Variants in P2RY8 observed in about 807,000 individuals in gnomAD.
The protein encoded by P2RY8 is S-geranylgeranyl-glutathione receptor P2RY8.
P2RY8 carries 6 observed loss-of-function variants against 10.0 expected under a neutral mutation model. The ratio of observed to expected loss-of-function variants is 0.60; its 90% CI spans 0.33 to 1.19. P2RY8 has a LOEUF of 1.19. Among genes scored for constraint, P2RY8 ranks in the 50% most tolerant of loss-of-function variants. The pLI, the probability that P2RY8 is intolerant of heterozygous loss-of-function variation, is 0.04. For synonymous variants in P2RY8, 276 were observed against 252.5 expected, an observed-to-expected ratio of 1.09 and a Z score of -0.88; for missense variants, 456 against 542.0, an observed-to-expected ratio of 0.84 and a Z score of 1.58.
chrX:1,484,601 G>T (rs1412023370), intron 1 of P2RY8, among the ~76,000 whole-genome samples: 2 of 151,506 alleles, frequency 1.3e-5, no homozygotes, highest in African/African-American at 2.4e-5. Flanking sequence ...CATGGCAGGT[G>T]CCTGTCATTC....
In P2RY8 at chrX:1,466,601, A is replaced by G; in HGVS notation, c.-24-19T>C. The G allele has an allele frequency of 1.3e-6, 2 of 1,571,392 alleles. No individual in the cohort carries two copies. The highest frequency in any genetic ancestry group is 1.7e-6 in the Non-Finnish European group (2 of 1,163,418). ...CCGGGCTCTGCAAGGGAAGGAGGGA[A>G]GGGTGTACGGGTCAGGGGCGCAGGT... On this transcript the variant is annotated intron_variant, in intron 1 of 1. Coordinates refer to ENST00000381297, the MANE Select transcript of P2RY8 (RefSeq NM_178129.5).
chrX:1,534,209 T>C (rs1456128346), intron 1 of P2RY8, among the ~76,000 whole-genome samples: 3 of 141,484 alleles, frequency 2.1e-5, no homozygotes, highest in Non-Finnish European at 3.0e-5. Context: ...TATATATTTA[T>C]ATACTTACTA....
At chrX:1,480,885 C>A (rs1251134187) in intron 1 of P2RY8, among the ~76,000 whole-genome samples, 2 of 151,196 alleles carry the variant, frequency 1.3e-5, no homozygotes, top group Non-Finnish European at 2.9e-5. Flanking sequence ...CCAAAAAAAA[C>A]TCTTAAGATT....
At chrX:1,488,109 TAA>T (rs1299833147) in intron 1 of P2RY8, among the ~76,000 whole-genome samples, 1 of 131,224 alleles carries the variant, frequency 7.6e-6, no homozygotes, top group Non-Finnish European at 1.7e-5. Flanking sequence ...AAACTCTGTC[TAA>T]AAAAAAAAAA....
At chrX:1,533,563 T>G (rs2092497419) in intron 1 of P2RY8, among the ~76,000 whole-genome samples, 1 of 8,836 alleles carries the variant, frequency 1.1e-4, no homozygotes, top group Admixed American at 1.8e-3. Context: ...TACTTATATA[T>G]TTATTATTTA....
chrX:1,495,954 C>T (rs1188651713), intron 1 of P2RY8, among the ~76,000 whole-genome samples: 2 of 151,130 alleles, frequency 1.3e-5, no homozygotes, highest in Non-Finnish European at 3.0e-5. Flanking sequence ...AGGGAGAAGT[C>T]GATGTCTCTA....
intron 1 of P2RY8, among the ~76,000 whole-genome samples, chrX:1,534,395 C>T (rs2092509400): frequency 6.6e-6 from 1 of 151,810 alleles, no homozygotes; most frequent in African/African-American, 2.4e-5. Flanking sequence ...GTCCCCTGAG[C>T]TCAGTCTGGT....
rs1569537682 is a variant in P2RY8 at position 1,500,008 on chromosome X, A to ACCCG, written c.-24-33427_-24-33426insCGGG. ...CGAGTAGCTGGGACTACAGGCGTGTACCACCATGCCCAGCTAATTTTTTGT... is the reference window on the plus strand; with the variant it reads ...CGAGTAGCTGGGACTACAGGCGTGTACCCGCCACCATGCCCAGCTAATTTTTTGT... On this transcript the variant is annotated intron_variant, in intron 1 of 1. Transcript: ENST00000381297. Among the ~76,000 whole-genome samples the ACCCG allele has an allele frequency of 2.8e-5, 2 of 71,998 alleles. 1 individual carries two copies. The highest frequency in any genetic ancestry group is 1.5e-3 in the East Asian group (2 of 1,300). The allele number at this position is 71,998 out of a possible 152,430, so 47.2% of individuals were successfully genotyped here. A position where few individuals can be genotyped will look rare whatever the true frequency, so the allele number is the denominator to read the frequency against.
intron 1 of P2RY8, among the ~76,000 whole-genome samples, chrX:1,469,147 CCCTCTCTCCTCTCCTTT>C (rs2091747585): frequency 2.2e-5 from 2 of 92,236 alleles, no homozygotes; most frequent in African/African-American, 4.6e-5. Flanking sequence ...TCCTCTCCTT[CCCTCTCTCCTCTCCTTT>C]CCTCTCCCCT....
chrX:1,524,836 T>C (rs867783331), intron 1 of P2RY8, among the ~76,000 whole-genome samples: 13 of 102,212 alleles, frequency 1.3e-4, no homozygotes, highest in Non-Finnish European at 1.7e-4. Context: ...CATCCATCCA[T>C]CCATCCATCC....
At chrX:1,515,769 G>T (rs1382934961) in intron 1 of P2RY8, among the ~76,000 whole-genome samples, 1 of 151,984 alleles carries the variant, frequency 6.6e-6, no homozygotes, top group African/African-American at 2.4e-5. Flanking sequence ...AAATATATAG[G>T]TTTCAACCCT....
chrX:1,530,153 GT>G (rs2092463104), intron 1 of P2RY8, among the ~76,000 whole-genome samples: 1 of 39,518 alleles, frequency 2.5e-5, no homozygotes, highest in African/African-American at 1.5e-4. Flanking sequence ...ATGTATGTAT[GT>G]ATGATCTATC....
At chrX:1,476,319 G>A (rs1251110459) in intron 1 of P2RY8, among the ~76,000 whole-genome samples, 3 of 152,092 alleles carry the variant, frequency 2.0e-5, no homozygotes, top group Non-Finnish European at 4.4e-5. Flanking sequence ...GCTCATGTCT[G>A]TAATCCCAGC....
Position 1,465,873 on chromosome X carries a change from C to G in P2RY8, c.686G>C (p.Arg229Pro). ...KLLRTEEAHG[R>P]EQRRRAVGLA... is the part of the protein sequence containing the mutation. ...GCCCACCGCGCGCCTCCGCTGCTCCCGGCCGTGCGCCTCCTCCGTGCGCAA... is the reference window on the plus strand; with the variant it reads ...GCCCACCGCGCGCCTCCGCTGCTCCGGGCCGTGCGCCTCCTCCGTGCGCAA... Residue 229 changes from arginine to proline, a missense_variant, in exon 2 of 2, where the codon CGG (arginine) becomes CCG (proline). Coordinates refer to ENST00000381297, the MANE Select transcript of P2RY8 (RefSeq NM_178129.5). 3 of 1,612,438 alleles carry G rather than the reference C, an allele frequency of 1.9e-6. No individual in the cohort carries two copies. The highest frequency in any genetic ancestry group is 2.5e-6 in the Non-Finnish European group (3 of 1,179,652).
At chrX:1,521,282 G>A (rs1486430348) in intron 1 of P2RY8, among the ~76,000 whole-genome samples, 3 of 151,920 alleles carry the variant, frequency 2.0e-5, no homozygotes, top group Admixed American at 6.6e-5. Context: ...TCCTGACCTC[G>A]TCATCCGCCC....
At chrX:1,532,384 G>GTATATACACA (rs1234913137) in intron 1 of P2RY8, among the ~76,000 whole-genome samples, 4 of 138,566 alleles carry the variant, frequency 2.9e-5, no homozygotes, top group Non-Finnish European at 4.9e-5. Context: ...TATGATGTGT[G>GTATATACACA]TATATGCACA....
At chrX:1,526,747 A>T (rs2092442937) in intron 1 of P2RY8, among the ~76,000 whole-genome samples, 1 of 151,990 alleles carries the variant, frequency 6.6e-6, no homozygotes, top group East Asian at 1.9e-4. Context: ...TCATTCATTC[A>T]TCCATTTACT....
At chrX:1,496,054 C>T (rs1476172122) in intron 1 of P2RY8, among the ~76,000 whole-genome samples, 3 of 152,242 alleles carry the variant, frequency 2.0e-5, no homozygotes, top group African/African-American at 4.8e-5. Context: ...GAAACAATGT[C>T]TGTTGTTTAC....
chrX:1,497,023 A>G (rs1265845773), intron 1 of P2RY8, among the ~76,000 whole-genome samples: 1 of 149,662 alleles, frequency 6.7e-6, no homozygotes, highest in East Asian at 2.0e-4. Context: ...GTTCGAGACC[A>G]GTCTGATCAA....
Sources: gnomAD v4.1 joint callset for allele counts (sites outside exome capture counted in the v4.1 genomes callset) on GRCh38, gnomAD v4.1.1 for gene constraint, MANE v1.5 for transcripts, NCBI Gene and HGNC (gene_info 2026-07-23, HGNC 2026-07-21) for gene names.